The following PALM2AKAP2 variants were observed in gnomAD, a reference collection of about 807,000 sequenced individuals.
The protein encoded by PALM2AKAP2 is PALM2 and AKAP2 fusion.
In PALM2AKAP2, 37 loss-of-function variants were observed where a neutral mutation model predicts 71.5. The ratio of observed to expected loss-of-function variants is 0.52; its 90% CI spans 0.40 to 0.68. The LOEUF is 0.68. PALM2AKAP2 is among the 30% of genes least tolerant of loss of function. The pLI, the probability that PALM2AKAP2 is intolerant of heterozygous loss-of-function variation, is 0.00. For synonymous variants in PALM2AKAP2, 468 were observed against 478.8 expected (o/e 0.98, Z 0.29); for missense variants, 1,224 against 1,191.8 (o/e 1.03, Z -0.40).
chr9:110,076,520 T>TATATATATATATATATATATAG, intron 1 of PALM2AKAP2, among the ~76,000 whole-genome samples: 1 of 143,806 alleles, frequency 7.0e-6, no homozygotes, highest in East Asian at 1.9e-4. Context: ...TAGGTATATA[T>TATATATATATATATATATATAG]ACCTCCAAAA....
At chr9:109,966,460 G>A (rs963359788) in intron 6 of PALM2AKAP2, among the ~76,000 whole-genome samples, 1 of 152,236 alleles carries the variant, frequency 6.6e-6, no homozygotes, top group Non-Finnish European at 1.5e-5. Flanking sequence ...TTATGAGCTT[G>A]TGTGACCTTG....
intron 2 of PALM2AKAP2, among the ~76,000 whole-genome samples, chr9:109,876,488 C>CT (rs946446346): frequency 2.6e-5 from 4 of 151,818 alleles, no homozygotes; most frequent in African/African-American, 9.7e-5. Context: ...TTCTTTCTTT[C>CT]TTTTTTTTGA....
At chr9:109,806,981 C>T (rs1217948203) in intron 1 of PALM2AKAP2, among the ~76,000 whole-genome samples, 3 of 152,016 alleles carry the variant, frequency 2.0e-5, no homozygotes, top group Non-Finnish European at 2.9e-5. Flanking sequence ...AGTGGGCAAG[C>T]GTGGAAGCAG....
At chr9:109,844,427 G>A (rs1828794169) in intron 1 of PALM2AKAP2, among the ~76,000 whole-genome samples, 2 of 151,982 alleles carry the variant, frequency 1.3e-5, no homozygotes, top group South Asian at 4.1e-4. Flanking sequence ...GAACACTTGT[G>A]GGGGAAAAAA....
At chr9:110,099,101 C>A (rs1235480507) in intron 1 of PALM2AKAP2, among the ~76,000 whole-genome samples, 1 of 152,184 alleles carries the variant, frequency 6.6e-6, no homozygotes, top group Admixed American at 6.5e-5. Flanking sequence ...AAACTAATAA[C>A]AAATTTTGTC....
At chr9:109,786,056 C>T (rs527976570) in intron 1 of PALM2AKAP2, among the ~76,000 whole-genome samples, 23 of 152,338 alleles carry the variant, frequency 1.5e-4, no homozygotes, top group South Asian at 4.1e-4. Context: ...CCTGGGTATA[C>T]GCTGTTGGCC....
At chr9:109,925,699 C>G (rs1202992767) in intron 5 of PALM2AKAP2, among the ~76,000 whole-genome samples, 5 of 152,084 alleles carry the variant, frequency 3.3e-5, no homozygotes, top group African/African-American at 1.2e-4. Context: ...TTCACCTTCT[C>G]TACCTTCCCT....
At chr9:109,764,672 CAG>C (rs1829120566) in intron 1 of PALM2AKAP2, among the ~76,000 whole-genome samples, 1 of 152,056 alleles carries the variant, frequency 6.6e-6, no homozygotes, top group Admixed American at 6.5e-5. Context: ...TCACCGATGC[CAG>C]TGCAGTAGTG....
chr9:109,730,345 C>T (rs954339368), intron 1 of PALM2AKAP2, among the ~76,000 whole-genome samples: 8 of 152,130 alleles, frequency 5.3e-5, no homozygotes, highest in Admixed American at 1.3e-4. Context: ...TGGACTTTCG[C>T]CAAAACATAA....
At chr9:109,704,127 T>C (rs1302801566) in intron 1 of PALM2AKAP2, among the ~76,000 whole-genome samples, 2 of 151,894 alleles carry the variant, frequency 1.3e-5, no homozygotes, top group African/African-American at 4.8e-5. Context: ...TGAGATGGAG[T>C]ATAGAGCAGA....
intron 3 of PALM2AKAP2, among the ~76,000 whole-genome samples, chr9:110,161,236 A>G (rs1166233609): frequency 6.6e-6 from 1 of 152,210 alleles, no homozygotes; most frequent in African/African-American, 2.4e-5. Flanking sequence ...GCAGTCAGCA[A>G]TCACAGATGT....
Position 109,851,180 on chromosome 9 carries a change from AAC to A in PALM2AKAP2, c.46-16309_46-16308del, listed in dbSNP as rs1564179595. 6.0e-4 allele frequency among the ~76,000 whole-genome samples: 31 copies of A among 51,382 alleles called. 1 individual carries two copies. The highest frequency in any genetic ancestry group is 1.1e-3 in the East Asian group (1 of 924). The allele number at this position is 51,382 out of a possible 152,430, so 33.7% of individuals were successfully genotyped here. ...CAACAGAGGGAGACTCCGTCTCAACAACAACAACAACAACAACAACAACAACA... is the reference window on the plus strand; with the variant it reads ...CAACAGAGGGAGACTCCGTCTCAACAAACAACAACAACAACAACAACAACA... On this transcript the variant is annotated intron_variant, in intron 1 of 9. Transcript: ENST00000302798.
chr9:109,654,556 C>T (rs1332999534), intron 1 of PALM2AKAP2, among the ~76,000 whole-genome samples: 2 of 152,180 alleles, frequency 1.3e-5, no homozygotes, highest in African/African-American at 4.8e-5. Context: ...AAGCACAGTT[C>T]TGAAGGACTC....
chr9:109,971,231 T>A (rs923862529), intron 6 of PALM2AKAP2, among the ~76,000 whole-genome samples: 1 of 147,432 alleles, frequency 6.8e-6, no homozygotes, highest in East Asian at 2.0e-4. Flanking sequence ...TGAATCCATC[T>A]CCTTATCCAA....
intron 1 of PALM2AKAP2, among the ~76,000 whole-genome samples, chr9:109,788,406 A>G (rs115465027): frequency 0.016 from 2,364 of 152,326 alleles, 65 homozygotes; most frequent in African/African-American, 0.054. Context: ...TTTTTGTCAT[A>G]TATGGTATAG....
chr9:109,672,872 AT>A (rs1827594928), intron 1 of PALM2AKAP2, among the ~76,000 whole-genome samples: 1 of 148,448 alleles, frequency 6.7e-6, no homozygotes, highest in Admixed American at 6.7e-5. Flanking sequence ...TTTCTTCTAC[AT>A]TTTCTAGTAT....
chr9:110,054,496 G>T (rs960326185), intron 1 of PALM2AKAP2, among the ~76,000 whole-genome samples: 1 of 152,168 alleles, frequency 6.6e-6, no homozygotes, highest in African/African-American at 2.4e-5. Context: ...AAAGTTGGTT[G>T]TTCTTAAATT....
Position 110,057,969 on chromosome 9 carries a change from C to T in PALM2AKAP2, c.156+9114C>T, listed in dbSNP as rs113188583. On this transcript the variant is annotated intron_variant, in intron 1 of 3. Transcript: ENST00000374525. Reference sequence around the variant, plus strand: ...GACTGGACCCGAAACATTGGTCTATCTCAGTGAGGGAGGAAGGGTGCTACT... The same window carrying T: ...GACTGGACCCGAAACATTGGTCTATTTCAGTGAGGGAGGAAGGGTGCTACT... Among the ~76,000 whole-genome samples the T allele has an allele frequency of 4.8e-3, 732 of 152,296 alleles. 8 individuals are homozygous for T. Among genetic ancestry groups the T allele is most frequent in the African/African-American group, 0.017 (690 of 41,564 alleles).
intron 1 of PALM2AKAP2, among the ~76,000 whole-genome samples, chr9:109,744,355 A>G (rs910275586): frequency 5.9e-5 from 9 of 152,212 alleles, no homozygotes; most frequent in Admixed American, 3.9e-4. Context: ...AACAAAGAAT[A>G]TGGTTGTCAT....
Sources: gnomAD v4.1 joint callset for allele counts (sites outside exome capture counted in the v4.1 genomes callset) on GRCh38, gnomAD v4.1.1 for gene constraint, MANE v1.5 for transcripts, NCBI Gene and HGNC (gene_info 2026-07-23, HGNC 2026-07-21) for gene names.